The following PYY variants were observed in gnomAD, a reference collection of about 807,000 sequenced individuals.
PYY encodes peptide tyrosine tyrosine.
Under a neutral mutation model 10.3 loss-of-function variants are expected in PYY, and 12 were observed. The ratio of observed to expected loss-of-function variants is 1.17; its 90% CI spans 0.75 to 1.89. The LOEUF is 1.89. PYY is among the 40% of genes most tolerant of loss of function. The pLI, the probability that PYY is intolerant of heterozygous loss-of-function variation, is 0.00. For synonymous variants in PYY, 66 were observed against 62.0 expected, an observed-to-expected ratio of 1.06 and a Z score of -0.30; for missense variants, 141 against 134.0, an observed-to-expected ratio of 1.05 and a Z score of -0.26.
rs369220921 is a variant in PYY at position 43,953,246 on chromosome 17, G to A, written c.188+50C>T. The A allele has an allele frequency of 2.5e-6, 4 of 1,608,772 alleles. No homozygotes were observed. The African/African-American group carries it at 4.0e-5, about 16-fold the overall frequency. Reference sequence around the variant, plus strand: ...ATCTGGCCACGCCCCCAGGTGGAGCGGGGCCGCAGGGTGAGAGCCCCAGGG... The same window carrying A: ...ATCTGGCCACGCCCCCAGGTGGAGCAGGGCCGCAGGGTGAGAGCCCCAGGG... On this transcript the variant is annotated intron_variant, in intron 2 of 3. Coordinates refer to ENST00000692052, the MANE Select transcript of PYY (RefSeq NM_001394028.1).
At chr17:43,960,541 A>AAC (rs2048704478) in intron 2 of PYY, among the ~76,000 whole-genome samples, 1 of 149,040 alleles carries the variant, frequency 6.7e-6, no homozygotes, top group African/African-American at 2.5e-5. Context: ...TCAAAAAAAA[A>AAC]AAAAAAAAAA....
chr17:43,972,442 C>T (rs1197542467), intron 1 of PYY, among the ~76,000 whole-genome samples: 1 of 152,074 alleles, frequency 6.6e-6, no homozygotes, highest in Non-Finnish European at 1.5e-5. Context: ...TCTCAAACTC[C>T]TGACCTCAGG....
chr17:43,984,179 T>C (rs1174683494), intron 1 of PYY, among the ~76,000 whole-genome samples: 1 of 152,182 alleles, frequency 6.6e-6, no homozygotes, highest in Non-Finnish European at 1.5e-5. Context: ...GCCCCGGGGA[T>C]GCGGGGAGCC....
At chr17:43,974,221 G>A (rs979939443) in intron 1 of PYY, among the ~76,000 whole-genome samples, 21 of 151,614 alleles carry the variant, frequency 1.4e-4, no homozygotes, top group African/African-American at 4.4e-4. Context: ...TTCTTCCCTC[G>A]CGCATTTCCC....
upstream of PYY, among the ~76,000 whole-genome samples, chr17:43,955,810 A>G (rs2048667814): frequency 6.6e-6 from 1 of 152,076 alleles, no homozygotes; most frequent in Non-Finnish European, 1.5e-5. Flanking sequence ...ATGGAAAGAC[A>G]AAAGACAGGT....
At chr17:43,990,425 C>T (rs143081807) in intron 1 of PYY, among the ~76,000 whole-genome samples, 4,678 of 133,122 alleles carry the variant, frequency 0.035, 105 homozygotes, top group South Asian at 0.051. Flanking sequence ...GGTGACAGAG[C>T]GAGACTCCAT....
chr17:43,990,863 G>A (rs867933435), intron 1 of PYY, among the ~76,000 whole-genome samples: 2 of 145,108 alleles, frequency 1.4e-5, no homozygotes, highest in African/African-American at 2.5e-5. Flanking sequence ...ACTCGATCTC[G>A]GCTCACTGCA....
Position 43,980,536 on chromosome 17 carries a change from G to A in PYY, c.-462-14004C>T, listed in dbSNP as rs1480940347. On this transcript the variant is annotated intron_variant, in intron 1 of 6. Coordinates refer to the PYY transcript ENST00000360085. ...GTCACCCAGGCTGGAGCGTAGTAGC[G>A]CAATCTCGGCTCACTGCAACCTCTG... Among the ~76,000 whole-genome samples the A allele has an allele frequency of 2.6e-5, 4 of 151,678 alleles. No homozygotes were observed. The South Asian group carries it at 6.2e-4, about 24-fold the overall frequency.
intron 2 of PYY, among the ~76,000 whole-genome samples, chr17:43,964,716 T>A (rs1024655862): frequency 6.6e-6 from 1 of 152,080 alleles, no homozygotes; most frequent in Non-Finnish European, 1.5e-5. Context: ...GGCAGGAGAA[T>A]CGCTTGAACC....
chr17:43,972,632 G>A (rs996963754), intron 1 of PYY, among the ~76,000 whole-genome samples: 2 of 151,982 alleles, frequency 1.3e-5, no homozygotes, highest in African/African-American at 4.8e-5. Context: ...GAGCTCAAAC[G>A]ATCTTCCCAC....
chr17:43,982,078 G>A (rs1045644589), intron 1 of PYY, among the ~76,000 whole-genome samples: 1 of 152,118 alleles, frequency 6.6e-6, no homozygotes, highest in South Asian at 2.1e-4. Context: ...GCCTCTTCAT[G>A]GACAACTTCT....
Position 43,952,829 on chromosome 17 carries a change from A to G in PYY, c.*127T>C, listed in dbSNP as rs1597840294. The G allele has an allele frequency of 2.9e-6, 3 of 1,039,614 alleles. No homozygotes were observed. The highest frequency in any genetic ancestry group is 1.9e-5 in the South Asian group (1 of 52,890). 64.4% of individuals were successfully genotyped at this position (1,039,614 alleles called of 1,614,324 possible). A position where few individuals can be genotyped will look rare whatever the true frequency, so the allele number is the denominator to read the frequency against. On this transcript the variant is annotated 3_prime_UTR_variant, in exon 4 of 4. Transcript: ENST00000692052. ...GGCGGGGGCACCGAGACGCGGGCGG[A>G]GGGCCGCACCCGAACCCTGCCCAGA...
intron 1 of PYY, among the ~76,000 whole-genome samples, chr17:44,000,853 C>T (rs1268681313): frequency 1.3e-5 from 2 of 152,058 alleles, no homozygotes; most frequent in Non-Finnish European, 2.9e-5. Context: ...CCACACCTGG[C>T]CTATGTGAGT....
At chr17:43,980,438 A>T (rs1238017020) in intron 1 of PYY, among the ~76,000 whole-genome samples, 2 of 151,588 alleles carry the variant, frequency 1.3e-5, no homozygotes, top group Non-Finnish European at 2.9e-5. Context: ...TGCTGGGATT[A>T]CAGGAGTGAG....
At chr17:43,983,188 C>T (rs558847708) in intron 1 of PYY, among the ~76,000 whole-genome samples, 35 of 152,252 alleles carry the variant, frequency 2.3e-4, no homozygotes, top group African/African-American at 7.7e-4. Flanking sequence ...GCCAAGGTCA[C>T]GCCATTGCAC....
At position 43,953,255 on chromosome 17, in the gene PYY, G is replaced by A. The variant is rs373550285; in HGVS notation, c.188+41C>T. The A allele has an allele frequency of 1.9e-5, 31 of 1,608,590 alleles. No homozygotes were observed. The African/African-American group carries it at 3.1e-4, about 16-fold the overall frequency. ...CGCCCCCAGGTGGAGCGGGGCCGCA[G>A]GGTGAGAGCCCCAGGGGTCCCGCTC... On this transcript the variant is annotated intron_variant, in intron 2 of 3. Transcript: ENST00000692052.
At chr17:43,972,423 C>T (rs896252273) in intron 1 of PYY, among the ~76,000 whole-genome samples, 2 of 152,014 alleles carry the variant, frequency 1.3e-5, no homozygotes, top group East Asian at 3.8e-4. Context: ...CCATGTTGGG[C>T]CAGGCTGGTC....
chr17:43,957,346 G>A (rs1351831187), upstream of PYY, among the ~76,000 whole-genome samples: 3 of 151,910 alleles, frequency 2.0e-5, no homozygotes, highest in African/African-American at 7.3e-5. Flanking sequence ...TCTAGTGACA[G>A]GAAATAGAAA....
At chr17:43,994,105 C>T (rs1301066103) in intron 1 of PYY, among the ~76,000 whole-genome samples, 5 of 152,150 alleles carry the variant, frequency 3.3e-5, no homozygotes, top group African/African-American at 1.2e-4. Flanking sequence ...CCTCCTGCCT[C>T]AGCCTCCCAA....
Sources: gnomAD v4.1 joint callset for allele counts (sites outside exome capture counted in the v4.1 genomes callset) on GRCh38, gnomAD v4.1.1 for gene constraint, MANE v1.5 for transcripts, NCBI Gene and HGNC (gene_info 2026-07-23, HGNC 2026-07-21) for gene names.